Variants in TNS1 observed in about 807,000 individuals in gnomAD.
The protein encoded by TNS1 is tensin-1.
In TNS1, 62 loss-of-function variants were observed where a neutral mutation model predicts 168.6. The ratio of observed to expected loss-of-function variants is 0.37; its 90% CI spans 0.30 to 0.45. The LOEUF (loss-of-function observed/expected upper bound fraction) is 0.45, where lower values mean the gene tolerates loss of function less well. TNS1 is among the 20% of genes least tolerant of loss of function. The pLI, the probability that TNS1 is intolerant of heterozygous loss-of-function variation, is 1.00. For missense variants in TNS1, 2,240 were observed against 2,339.4 expected (o/e 0.96, Z 0.88); for synonymous variants, 934 against 933.2 (o/e 1.00, Z -0.02).
intron 18 of TNS1, among the ~76,000 whole-genome samples, chr2:217,863,144 G>A (rs566047796): frequency 9.8e-5 from 15 of 152,316 alleles, no homozygotes; most frequent in African/African-American, 3.6e-4. Context: ...TCCTCGTAAA[G>A]AACAGAATGG....
chr2:217,977,179 G>A (rs1957917263), intron 3 of TNS1, among the ~76,000 whole-genome samples: 1 of 152,210 alleles, frequency 6.6e-6, no homozygotes, highest in African/African-American at 2.4e-5. Context: ...CTGGGGAGGA[G>A]CAAGAAAACT....
chr2:217,883,295 C>T (rs1950856855), intron 16 of TNS1, among the ~76,000 whole-genome samples: 1 of 152,132 alleles, frequency 6.6e-6, no homozygotes. Context: ...GACCAGGTCT[C>T]ACTCTGTTGC....
chr2:217,969,696 T>TC (rs1957731693), intron 3 of TNS1, among the ~76,000 whole-genome samples: 1 of 152,198 alleles, frequency 6.6e-6, no homozygotes, highest in Non-Finnish European at 1.5e-5. Flanking sequence ...ACATCATTAC[T>TC]CATCAGGGAA....
chr2:217,849,866 A>AGGT (rs1947227544), intron 18 of TNS1: 3 of 985,440 alleles, frequency 3.0e-6, no homozygotes, highest in Non-Finnish European at 3.6e-6. Flanking sequence ...ACCATGCCCA[A>AGGT]GGTGGTGGTG....
intron 3 of TNS1, among the ~76,000 whole-genome samples, chr2:217,960,858 T>G (rs185966852): frequency 6.6e-6 from 1 of 152,136 alleles, no homozygotes; most frequent in Admixed American, 6.5e-5. Flanking sequence ...GAAAAGCACC[T>G]GGTTACCCTC....
At chr2:217,972,948 A>C (rs554154783) in intron 3 of TNS1, among the ~76,000 whole-genome samples, 2 of 152,230 alleles carry the variant, frequency 1.3e-5, no homozygotes. Flanking sequence ...AAAATAATAA[A>C]TACATAAATA....
chr2:217,829,317 A>G (rs942342611), intron 22 of TNS1, among the ~76,000 whole-genome samples: 3 of 152,116 alleles, frequency 2.0e-5, no homozygotes, highest in Non-Finnish European at 4.4e-5. Context: ...CCTGGGAGGC[A>G]GAGGTTGCAG....
intron 23 of TNS1, among the ~76,000 whole-genome samples, chr2:217,820,348 G>A (rs1237610596): frequency 6.6e-6 from 1 of 152,182 alleles, no homozygotes; most frequent in Non-Finnish European, 1.5e-5. Flanking sequence ...AATAGGAAAT[G>A]CAACCCTCGG....
chr2:217,805,282 T>C lies in TNS1; in HGVS notation c.5376-679A>G, dbSNP rs376047474. 9.3e-5 allele frequency among the ~76,000 whole-genome samples: 14 copies of C among 150,014 alleles called. 1 individual carries two copies. Among genetic ancestry groups the C allele is most frequent in the African/African-American group, 2.9e-4 (12 of 40,856 alleles). Reference sequence around the variant, plus strand: ...AGCTCAGGTCCCCTCCCAGCCAGCATGTTGCTAATTAGAGCGAGATGGGGA... The same window carrying C: ...AGCTCAGGTCCCCTCCCAGCCAGCACGTTGCTAATTAGAGCGAGATGGGGA... On this transcript the variant is annotated intron_variant, in intron 32 of 32. Transcript: ENST00000682258.
intron 18 of TNS1, among the ~76,000 whole-genome samples, chr2:217,878,031 A>G (rs1190399850): frequency 6.6e-6 from 1 of 152,130 alleles, no homozygotes; most frequent in African/African-American, 2.4e-5. Context: ...GTCACCTTGG[A>G]CACCCTTCCC....
At chr2:217,808,193 A>G in intron 31 of TNS1, 86 bp from the exon 32 acceptor site, 2 of 1,501,822 alleles carry the variant, frequency 1.3e-6, no homozygotes, top group Non-Finnish European at 1.8e-6. Flanking sequence ...CTCTGCAGGA[A>G]GGTCTGGGGA....
chr2:217,877,904 T>A (rs1423797056), intron 18 of TNS1, among the ~76,000 whole-genome samples: 1 of 152,106 alleles, frequency 6.6e-6, no homozygotes, highest in Non-Finnish European at 1.5e-5. Flanking sequence ...CCTGCCCCCC[T>A]CCTCCAAGTC....
At chr2:218,020,546 C>T (rs557630353) in intron 1 of TNS1, among the ~76,000 whole-genome samples, 1 of 151,698 alleles carries the variant, frequency 6.6e-6, no homozygotes, top group East Asian at 1.9e-4. Context: ...CAGCAGAGAG[C>T]CCCCAAAGGC....
At chr2:218,020,870 A>G (rs1408366753) in intron 1 of TNS1, among the ~76,000 whole-genome samples, 1 of 152,192 alleles carries the variant, frequency 6.6e-6, no homozygotes, top group Non-Finnish European at 1.5e-5. Context: ...GGGAGCTTGC[A>G]GGGTAAGGGA....
At chr2:217,949,292 C>T (rs962287394) in intron 3 of TNS1, among the ~76,000 whole-genome samples, 1 of 152,250 alleles carries the variant, frequency 6.6e-6, no homozygotes, top group Non-Finnish European at 1.5e-5. Context: ...ACACAAACCC[C>T]TGTCTCCCCT....
chr2:217,963,454 A>G (rs1484058682), intron 3 of TNS1, among the ~76,000 whole-genome samples: 2 of 152,130 alleles, frequency 1.3e-5, no homozygotes, highest in Non-Finnish European at 2.9e-5. Flanking sequence ...AATCCTCACC[A>G]CAAGACTGCA....
chr2:217,893,272 C>A (rs1025914826), intron 10 of TNS1, among the ~76,000 whole-genome samples, 167 bp downstream of exon 10: 2 of 152,210 alleles, frequency 1.3e-5, no homozygotes, highest in Admixed American at 6.5e-5. Flanking sequence ...CAAGACAGAA[C>A]CTATTATCCC....
At chr2:217,942,390 T>G (rs1035832752) in intron 3 of TNS1, among the ~76,000 whole-genome samples, 3 of 152,134 alleles carry the variant, frequency 2.0e-5, no homozygotes, top group Admixed American at 1.3e-4. Context: ...CCAGTGCTGA[T>G]CCCATTCGGG....
intron 18 of TNS1, among the ~76,000 whole-genome samples, chr2:217,850,908 C>T (rs1433468095): frequency 6.6e-6 from 1 of 152,162 alleles, no homozygotes; most frequent in African/African-American, 2.4e-5. Flanking sequence ...AACGCCAACA[C>T]TTCGCCAGGC....
Sources: allele counts gnomAD v4.1 joint callset (sites outside exome capture counted in the v4.1 genomes callset), GRCh38; gene constraint gnomAD v4.1.1; transcripts MANE v1.5; gene names NCBI Gene and HGNC (gene_info 2026-07-23, HGNC 2026-07-21).